The following ZMAT4 variants were observed in gnomAD, a reference collection of about 807,000 sequenced individuals.
ZMAT4 encodes zinc finger matrin-type 4, also known as zinc finger matrin-type protein 4.
ZMAT4 carries 17 observed loss-of-function variants against 28.7 expected under a neutral mutation model. The ratio of observed to expected loss-of-function variants is 0.59; its 90% CI spans 0.41 to 0.89. The LOEUF (loss-of-function observed/expected upper bound fraction) is 0.89. Among genes scored for constraint, ZMAT4 ranks in the 40% least tolerant of loss-of-function variants. The pLI, the probability that ZMAT4 is intolerant of heterozygous loss-of-function variation, is 0.00. For missense variants in ZMAT4, 240 were observed against 283.8 expected (o/e 0.85, Z 1.11); for synonymous variants, 117 against 109.2 (o/e 1.07, Z -0.44).
intron 6 of ZMAT4, among the ~76,000 whole-genome samples, chr8:40,545,829 T>G (rs888250462): frequency 6.6e-6 from 1 of 151,518 alleles, no homozygotes; most frequent in East Asian, 1.9e-4. Context: ...CCCTAGGAAT[T>G]GAGACAGTCA....
At chr8:40,854,553 C>A (rs2150638308) in intron 1 of ZMAT4, among the ~76,000 whole-genome samples, 1 of 152,294 alleles carries the variant, frequency 6.6e-6, no homozygotes, top group Non-Finnish European at 1.5e-5. Context: ...ATGCATCAGG[C>A]AGAAGGGATT....
At chr8:40,584,134 T>G (rs1198473975) in intron 5 of ZMAT4, among the ~76,000 whole-genome samples, 3 of 152,182 alleles carry the variant, frequency 2.0e-5, no homozygotes, top group African/African-American at 7.2e-5. Context: ...CCTGAGTTTA[T>G]TTTCCTTTCA....
intron 3 of ZMAT4, among the ~76,000 whole-genome samples, chr8:40,702,435 C>T (rs768565485): frequency 3.5e-4 from 54 of 152,252 alleles, no homozygotes; most frequent in Middle Eastern, 6.8e-3. Flanking sequence ...TTAAATGCAA[C>T]GTCCACATTG....
At chr8:40,747,596 GA>G (rs556207507) in intron 3 of ZMAT4, among the ~76,000 whole-genome samples, 3 of 149,190 alleles carry the variant, frequency 2.0e-5, no homozygotes, top group Admixed American at 6.7e-5. Flanking sequence ...AAAGCATACA[GA>G]AAAAAAAACA....
At chr8:40,600,983 A>C (rs1805283597) in intron 5 of ZMAT4, among the ~76,000 whole-genome samples, 1 of 152,198 alleles carries the variant, frequency 6.6e-6, no homozygotes, top group South Asian at 2.1e-4. Context: ...CATATGTCAT[A>C]GACTGATAGC....
intron 5 of ZMAT4, among the ~76,000 whole-genome samples, chr8:40,646,916 C>T (rs1014382506): frequency 6.6e-6 from 1 of 152,222 alleles, no homozygotes; most frequent in Non-Finnish European, 1.5e-5. Context: ...CTCAAGTGCA[C>T]ATGAATCATT....
intron 4 of ZMAT4, among the ~76,000 whole-genome samples, chr8:40,689,246 G>A (rs914873885): frequency 7.2e-5 from 11 of 152,198 alleles, no homozygotes; most frequent in Admixed American, 4.6e-4. Flanking sequence ...AGCATCCTGG[G>A]TGAGATCATC....
intron 5 of ZMAT4, among the ~76,000 whole-genome samples, chr8:40,666,775 G>A (rs1009537727): frequency 5.9e-5 from 9 of 152,042 alleles, no homozygotes; most frequent in East Asian, 1.9e-4. Flanking sequence ...AGTTTGAACC[G>A]CATGGGTCTA....
chr8:40,604,715 A>T (rs573152695), intron 5 of ZMAT4, among the ~76,000 whole-genome samples: 29 of 152,282 alleles, frequency 1.9e-4, no homozygotes, highest in Non-Finnish European at 3.7e-4. Context: ...TGGCTTTGCT[A>T]TCAGGGTGAT....
At chr8:40,690,917 C>T (rs995447628) in intron 4 of ZMAT4, 65 of 985,050 alleles carry the variant, frequency 6.6e-5, no homozygotes, top group Middle Eastern at 1.0e-3. Context: ...ATTGCTTATC[C>T]GTTGCTTTTC....
At chr8:40,698,275 T>G (rs758564869) in intron 3 of ZMAT4, among the ~76,000 whole-genome samples, 2 of 152,152 alleles carry the variant, frequency 1.3e-5, no homozygotes, top group Non-Finnish European at 2.9e-5. Context: ...TAATACTTAA[T>G]GAAAATGAAT....
chr8:40,795,591 T>A (rs1814562911), intron 2 of ZMAT4, among the ~76,000 whole-genome samples: 1 of 152,224 alleles, frequency 6.6e-6, no homozygotes, highest in African/African-American at 2.4e-5. Flanking sequence ...TACTGATGCA[T>A]CAGTTGGGAA....
intron 6 of ZMAT4, among the ~76,000 whole-genome samples, chr8:40,534,109 G>A (rs183340781): frequency 4.6e-4 from 70 of 151,770 alleles, no homozygotes; most frequent in African/African-American, 1.6e-3. Flanking sequence ...TAGTAAAAGT[G>A]GTATATTAAG....
intron 5 of ZMAT4, among the ~76,000 whole-genome samples, chr8:40,600,857 A>T (rs13274508): frequency 0.21 from 31,318 of 151,872 alleles, 3,346 homozygotes; most frequent in Middle Eastern, 0.26. Context: ...GCTGCATCCT[A>T]CTCTTAATTA....
At position 40,627,065 on chromosome 8, in the gene ZMAT4, A is replaced by C. The variant is rs569921607; in HGVS notation, c.578-45804T>G. Among the ~76,000 whole-genome samples the C allele has an allele frequency of 1.9e-3, 283 of 152,318 alleles. 1 individual carries two copies. Among genetic ancestry groups the C allele is most frequent in the African/African-American group, 6.3e-3 (262 of 41,568 alleles). On this transcript the variant is annotated intron_variant, in intron 5 of 6. Transcript: ENST00000297737. ...GCATGGCCATCATCTACCTTTGCTC[A>C]TTCCCTCCCTGAACTGTGCCTGGCC...
intron 5 of ZMAT4, among the ~76,000 whole-genome samples, chr8:40,649,083 T>C (rs1478373667): frequency 6.6e-5 from 10 of 150,472 alleles, no homozygotes; most frequent in Non-Finnish European, 1.5e-4. Flanking sequence ...AATATTAACT[T>C]TAAATGTAAA....
chr8:40,639,356 G>T (rs1806919398), intron 5 of ZMAT4, among the ~76,000 whole-genome samples: 1 of 152,116 alleles, frequency 6.6e-6, no homozygotes, highest in South Asian at 2.1e-4. Flanking sequence ...CCTGGCTGGG[G>T]CTGATGTGCC....
intron 5 of ZMAT4, among the ~76,000 whole-genome samples, chr8:40,602,177 C>T (rs570996304): frequency 8.5e-5 from 13 of 152,196 alleles, no homozygotes; most frequent in South Asian, 2.1e-4. Context: ...ATCCAGGTTG[C>T]GCGAATGCCA....
chr8:40,808,524 C>G (rs1429320817), intron 2 of ZMAT4: 1 of 455,178 alleles, frequency 2.2e-6, no homozygotes, highest in Admixed American at 2.4e-5. Context: ...CTTATTGACA[C>G]AGCTAGTTTT....
Sources: allele counts gnomAD v4.1 joint callset (sites outside exome capture counted in the v4.1 genomes callset), GRCh38; gene constraint gnomAD v4.1.1; transcripts MANE v1.5; gene names NCBI Gene and HGNC (gene_info 2026-07-23, HGNC 2026-07-21).